Variants in ZER1 observed in about 807,000 individuals in gnomAD.
The protein encoded by ZER1 is protein zer-1 homolog.
ZER1 carries 11 observed loss-of-function variants against 78.8 expected under a neutral mutation model. That is an observed-to-expected ratio of 0.14 (90% CI 0.09 to 0.23). The LOEUF is 0.23. Ranked by LOEUF, ZER1 falls within the 10% of genes least tolerant of loss-of-function variation. The pLI is 1.00. For missense variants in ZER1, 588 were observed against 996.9 expected (o/e 0.59, Z 5.52); for synonymous variants, 400 against 407.0 (o/e 0.98, Z 0.21).
At chr9:128,758,598 C>CTTTGTTT (rs201467983) in intron 1 of ZER1, among the ~76,000 whole-genome samples, 7 of 151,748 alleles carry the variant, frequency 4.6e-5, no homozygotes, top group African/African-American at 1.7e-4. Context: ...TTTCTGGTTT[C>CTTTGTTT]TTTGTTTTTT....
At position 128,753,580 on chromosome 9, in the gene ZER1, C is replaced by T; in HGVS notation, c.330G>A (p.Leu110=). 6.2e-7 allele frequency: 1 copy of T among 1,613,686 alleles called. No individual in the cohort carries two copies. The highest frequency in any genetic ancestry group is 1.1e-5 in the South Asian group (1 of 91,078). Residue 110 remains leucine, a synonymous_variant, in exon 4 of 16, where the codon CTG becomes CTA. Transcript: ENST00000291900. This position sits in a 1 kb window ranked among gnomAD's most constrained non-coding sequence, Gnocchi z 7.5. ...IRKQDLVELY[L]TNCEKLSAKS... ...TGGCGGACAGCTTCTCGCAGTTAGT[C>T]AGGTACAGCTCCACCAGGTCCTGGG...
intron 13 of ZER1, among the ~76,000 whole-genome samples, chr9:128,737,174 A>G (rs777818361): frequency 1.3e-5 from 2 of 151,216 alleles, no homozygotes; most frequent in African/African-American, 4.9e-5. Flanking sequence ...TGTAGAGGTG[A>G]GGGCTCACTA....
intron 1 of ZER1, among the ~76,000 whole-genome samples, chr9:128,760,675 C>A (rs1864012740): frequency 6.6e-6 from 1 of 152,026 alleles, no homozygotes; most frequent in Non-Finnish European, 1.5e-5. Context: ...CACCTGTAAT[C>A]CCAGCTACTC....
intron 13 of ZER1, among the ~76,000 whole-genome samples, chr9:128,738,549 C>A (rs1161460332): frequency 6.9e-6 from 1 of 145,064 alleles, no homozygotes; most frequent in Non-Finnish European, 1.5e-5. Context: ...CCACGCCCGG[C>A]TAATTTTTTG....
In ZER1 at chr9:128,742,677, G is replaced by T; in HGVS notation, c.1428C>A (p.Arg476=). ...TGCTGAGCAGGAGCTCGTTGACCCG[G>T]CGGTACTGGAATTCCAGCTCCTCGG... ...SIPEELEFQY[R]RVNELLLSIL... is the part of the protein sequence containing the mutation. The change falls in exon 9 of 16, where the codon CGC becomes CGA. Residue 476 remains arginine, a synonymous_variant. Transcript: ENST00000291900. 12 of 1,614,194 alleles carry T rather than the reference G, an allele frequency of 7.4e-6. No individual in the cohort carries two copies. The highest frequency in any genetic ancestry group is 9.3e-6 in the Non-Finnish European group (11 of 1,180,032).
At chr9:128,737,689 G>A (rs972484595) in intron 13 of ZER1, among the ~76,000 whole-genome samples, 8 of 152,096 alleles carry the variant, frequency 5.3e-5, no homozygotes, top group African/African-American at 1.9e-4. Context: ...GATTATGAAC[G>A]ATTCTTGTTT....
intron 8 of ZER1, among the ~76,000 whole-genome samples, chr9:128,744,064 A>T (rs1344873106): frequency 6.6e-6 from 1 of 151,206 alleles, no homozygotes; most frequent in African/African-American, 2.4e-5. Context: ...CGCCCAGCTA[A>T]TTTTTTGTAT....
intron 1 of ZER1, among the ~76,000 whole-genome samples, chr9:128,761,018 C>T (rs1469031510): frequency 1.3e-5 from 2 of 149,458 alleles, no homozygotes; most frequent in East Asian, 2.1e-4. Flanking sequence ...ATTAGCTGGG[C>T]GTGGTGGTGG....
At chr9:128,765,212 TAC>T (rs60923356) in intron 1 of ZER1, among the ~76,000 whole-genome samples, 22,215 of 149,568 alleles carry the variant, frequency 0.15, 1,897 homozygotes, top group South Asian at 0.24. Context: ...CATGCACATG[TAC>T]ACACACACAC....
chr9:128,756,520 C>T (rs952861184), intron 1 of ZER1, among the ~76,000 whole-genome samples: 6 of 152,116 alleles, frequency 3.9e-5, no homozygotes, highest in Admixed American at 6.5e-5. Flanking sequence ...AACTGGTGAA[C>T]GGATCAACAA....
At chr9:128,744,392 C>T (rs1863415615) in intron 8 of ZER1, among the ~76,000 whole-genome samples, 1 of 151,042 alleles carries the variant, frequency 6.6e-6, no homozygotes, top group Non-Finnish European at 1.5e-5. Flanking sequence ...CAGGGTTTTA[C>T]CATGTTGGCC....
At chr9:128,764,533 G>C (rs1053508346) in intron 1 of ZER1, among the ~76,000 whole-genome samples, 3 of 152,272 alleles carry the variant, frequency 2.0e-5, no homozygotes, top group East Asian at 3.9e-4. Flanking sequence ...CATAAGCCAG[G>C]TAGATGGCGC....
At position 128,747,130 on chromosome 9, in the gene ZER1, T is replaced by C. The variant is rs1388819942; in HGVS notation, c.1359+3486A>G. On this transcript the variant is annotated intron_variant, in intron 8 of 15. Coordinates refer to ENST00000291900, the MANE Select transcript of ZER1 (RefSeq NM_006336.4). The stretch of plus-strand genomic sequence containing the variant: ...AGGAGAATCGCTTGAACCTGGGAGG[T>C]AGAGGTTGTAGTGAGCCGAGATCAC... 2.0e-5 allele frequency among the ~76,000 whole-genome samples: 3 copies of C among 146,516 alleles called. 1 individual carries two copies. The highest frequency in any genetic ancestry group is 6.8e-5 in the Admixed American group (1 of 14,714).
At chr9:128,738,824 G>A (rs1224065088) in intron 13 of ZER1, among the ~76,000 whole-genome samples, 1 of 149,162 alleles carries the variant, frequency 6.7e-6, no homozygotes, top group Admixed American at 6.8e-5. Flanking sequence ...TGGGACTACA[G>A]GTGTGCACCA....
At chr9:128,764,819 A>G (rs1471550406) in intron 1 of ZER1, among the ~76,000 whole-genome samples, 1 of 152,142 alleles carries the variant, frequency 6.6e-6, no homozygotes. Flanking sequence ...AGCTCTGGTT[A>G]TGACCGACCA....
intron 13 of ZER1, among the ~76,000 whole-genome samples, chr9:128,738,248 G>A (rs981636079): frequency 1.4e-4 from 20 of 141,448 alleles, no homozygotes; most frequent in Admixed American, 3.0e-4. Flanking sequence ...GTTTCACTGC[G>A]TTAGCCAAGA....
chr9:128,734,776 C>A (rs1863003470), intron 14 of ZER1, among the ~76,000 whole-genome samples: 2 of 151,632 alleles, frequency 1.3e-5, no homozygotes, highest in African/African-American at 2.4e-5. Flanking sequence ...AATCCAAGGA[C>A]TAAGATTTAT....
At chr9:128,733,352 T>A in intron 15 of ZER1, 74 bp downstream of exon 15, 2 of 1,376,136 alleles carry the variant, frequency 1.5e-6, no homozygotes, top group Non-Finnish European at 2.0e-6. Flanking sequence ...ATTCCTAACC[T>A]CCAGAGGGCG....
In ZER1 at chr9:128,751,889, G is replaced by A. The variant is rs1182047391; in HGVS notation, c.924-362C>T. ...TGGGTGGCCAGTTACAGCTGGTAGG[G>A]TTTGGTCAAACTTCTCAACCAACCA... On this transcript the variant is annotated intron_variant, in intron 5 of 15. Transcript: ENST00000291900. This position sits in a 1 kb window ranked among gnomAD's most constrained non-coding sequence, Gnocchi z 5.4. Among the ~76,000 whole-genome samples, 1 of 152,190 alleles carries A rather than the reference G, an allele frequency of 6.6e-6. No individual in the cohort carries two copies. The highest frequency in any genetic ancestry group is 1.5e-5 in the Non-Finnish European group (1 of 68,028).
Sources: gnomAD v4.1 joint callset for allele counts (sites outside exome capture counted in the v4.1 genomes callset) on GRCh38, gnomAD v4.1.1 for gene constraint, Gnocchi (gnomAD v3.1) non-coding constraint, MANE v1.5 for transcripts, NCBI Gene and HGNC (gene_info 2026-07-23, HGNC 2026-07-21) for gene names.